The following GALNTL6 variants were observed in gnomAD, a reference collection of about 807,000 sequenced individuals.
GALNTL6 encodes the protein polypeptide N-acetylgalactosaminyltransferase-like 6.
In GALNTL6, 46 loss-of-function variants were observed where a neutral mutation model predicts 73.7. That is an observed-to-expected ratio of 0.62 (90% confidence interval 0.49 to 0.80). The LOEUF is 0.80. Ranked by LOEUF, GALNTL6 falls within the 30% of genes least tolerant of loss-of-function variation. The probability of loss-of-function intolerance (pLI) is 0.00; values close to 1 mark genes in which losing one functional copy is unlikely to be tolerated. For synonymous variants in GALNTL6, 259 were observed against 263.7 expected, an observed-to-expected ratio of 0.98 and a Z score of 0.17; for missense variants, 604 against 755.0, an observed-to-expected ratio of 0.80 and a Z score of 2.34.
chr4:172,245,269 C>T (rs1288607226), intron 3 of GALNTL6, among the ~76,000 whole-genome samples: 1 of 152,076 alleles, frequency 6.6e-6, no homozygotes, highest in Non-Finnish European at 1.5e-5. Flanking sequence ...AACTCTAATA[C>T]CTACCGTACC....
chr4:172,809,337 A>G lies in GALNTL6; in HGVS notation c.554-24A>G, dbSNP rs72998183. The G allele has an allele frequency of 3.3e-4, 536 of 1,602,102 alleles. 2 individuals are homozygous for G. The African/African-American group carries it at 6.5e-3, about 19-fold the overall frequency. On this transcript the variant is annotated intron_variant, in intron 5 of 12. Transcript: ENST00000506823. The surrounding 1 kb of genome is among the most constrained non-coding windows in gnomAD (Gnocchi z 4.4). The stretch of plus-strand genomic sequence containing the variant: ...GCAACTAATGTTTTGCGTTTTTTCT[A>G]TGCATTCTCTACTTCCTACCTAGAA...
At chr4:172,020,665 T>C (rs1741370447) in intron 2 of GALNTL6, among the ~76,000 whole-genome samples, 1 of 151,686 alleles carries the variant, frequency 6.6e-6, no homozygotes, top group Non-Finnish European at 1.5e-5. Flanking sequence ...AAAGCCATAA[T>C]AAGAAGCCTC....
At chr4:172,699,669 T>A (rs1367161462) in intron 5 of GALNTL6, among the ~76,000 whole-genome samples, 1 of 152,178 alleles carries the variant, frequency 6.6e-6, no homozygotes, top group East Asian at 1.9e-4. Flanking sequence ...CCAGATACTA[T>A]AATCATGAGA....
intron 2 of GALNTL6, among the ~76,000 whole-genome samples, chr4:171,920,255 G>A (rs567048158): frequency 1.3e-5 from 2 of 152,118 alleles, no homozygotes; most frequent in South Asian, 4.1e-4. Context: ...GGGAGGGATA[G>A]CATTAGGAGA....
chr4:171,849,766 G>A lies in GALNTL6; in HGVS notation c.138+35048G>A, dbSNP rs931223091. Among the ~76,000 whole-genome samples the A allele has an allele frequency of 6.6e-5, 10 of 152,284 alleles. No homozygotes were observed. In the East Asian group the frequency reaches 7.7e-4, roughly 12 times the overall value. On this transcript the variant is annotated intron_variant, in intron 2 of 12. Coordinates refer to ENST00000506823, the MANE Select transcript of GALNTL6 (RefSeq NM_001034845.3). ...AAGAAGGTGGCCATGCCGCAGGCTGGGAAGCATAGCCTCTGGCAAAGACCA... is the reference window on the plus strand; with the variant it reads ...AAGAAGGTGGCCATGCCGCAGGCTGAGAAGCATAGCCTCTGGCAAAGACCA...
chr4:172,570,300 G>T (rs965681318), intron 5 of GALNTL6, among the ~76,000 whole-genome samples: 1 of 152,158 alleles, frequency 6.6e-6, no homozygotes, highest in African/African-American at 2.4e-5. Flanking sequence ...ATGGGAGAAG[G>T]CTGGTGGTTT....
At chr4:172,705,023 C>A (rs548119703) in intron 5 of GALNTL6, among the ~76,000 whole-genome samples, 1 of 151,864 alleles carries the variant, frequency 6.6e-6, no homozygotes, top group South Asian at 2.1e-4. Context: ...TTTGTGGTTT[C>A]AATTTATATA....
chr4:172,576,492 G>A (rs1736960518), intron 5 of GALNTL6, among the ~76,000 whole-genome samples: 1 of 152,188 alleles, frequency 6.6e-6, no homozygotes, highest in South Asian at 2.1e-4. Flanking sequence ...GAATAGTACA[G>A]TGGAAAGAAC....
At chr4:172,522,054 A>G (rs1734791403) in intron 5 of GALNTL6, among the ~76,000 whole-genome samples, 1 of 152,202 alleles carries the variant, frequency 6.6e-6, no homozygotes, top group South Asian at 2.1e-4. Flanking sequence ...TTATATAAGC[A>G]GTTGGACTCA....
chr4:172,301,249 A>G (rs1177543274), intron 3 of GALNTL6, among the ~76,000 whole-genome samples: 2 of 151,952 alleles, frequency 1.3e-5, no homozygotes, highest in Non-Finnish European at 2.9e-5. Flanking sequence ...TGCATTGGTT[A>G]TTCTAGTTAG....
chr4:172,113,490 A>T (rs866387013), intron 2 of GALNTL6, among the ~76,000 whole-genome samples: 11 of 152,074 alleles, frequency 7.2e-5, no homozygotes, highest in Admixed American at 5.9e-4. Flanking sequence ...TACAATGACT[A>T]TATAAAATGT....
intron 2 of GALNTL6, among the ~76,000 whole-genome samples, chr4:172,075,989 T>C (rs1731691162): frequency 6.6e-6 from 1 of 152,264 alleles, no homozygotes; most frequent in Admixed American, 6.5e-5. Flanking sequence ...TCATTTAGTT[T>C]GGCTTAATTA....
intron 2 of GALNTL6, among the ~76,000 whole-genome samples, chr4:171,907,757 A>G (rs1317123659): frequency 6.6e-6 from 1 of 151,314 alleles, no homozygotes; most frequent in Non-Finnish European, 1.5e-5. Context: ...CTACAAGGCT[A>G]CAGTAACCAA....
At chr4:172,631,565 A>G (rs1739398108) in intron 5 of GALNTL6, among the ~76,000 whole-genome samples, 1 of 152,290 alleles carries the variant, frequency 6.6e-6, no homozygotes, top group South Asian at 2.1e-4. Flanking sequence ...TCTTCACTCG[A>G]TCTCATAGTT....
At chr4:172,384,632 T>C (rs551874685) in intron 5 of GALNTL6, among the ~76,000 whole-genome samples, 1 of 152,250 alleles carries the variant, frequency 6.6e-6, no homozygotes, top group Admixed American at 6.5e-5. Flanking sequence ...TCTTTCTCAT[T>C]GCTTTGTGTT....
At chr4:172,341,604 G>T (rs1741569590) in intron 4 of GALNTL6, among the ~76,000 whole-genome samples, 1 of 152,136 alleles carries the variant, frequency 6.6e-6, no homozygotes, top group African/African-American at 2.4e-5. Flanking sequence ...ATGGGGGTGG[G>T]TCTTTCTTGT....
intron 5 of GALNTL6, among the ~76,000 whole-genome samples, chr4:172,700,730 G>T (rs1021948243): frequency 3.9e-5 from 6 of 152,086 alleles, no homozygotes; most frequent in Non-Finnish European, 7.4e-5. Flanking sequence ...ATGGTCAATC[G>T]CTCACCCCTG....
chr4:172,518,541 T>C (rs1461683852), intron 5 of GALNTL6, among the ~76,000 whole-genome samples: 2 of 152,086 alleles, frequency 1.3e-5, no homozygotes, highest in South Asian at 2.1e-4. Flanking sequence ...GTATAAAACA[T>C]TCTCTTATTT....
At chr4:172,888,438 T>C (rs112060779) in intron 8 of GALNTL6, among the ~76,000 whole-genome samples, 1 of 152,326 alleles carries the variant, frequency 6.6e-6, no homozygotes, top group African/African-American at 2.4e-5. Context: ...ATTTATTGAA[T>C]AGGAAGTCCT....
Sources: gnomAD v4.1 joint callset for allele counts (sites outside exome capture counted in the v4.1 genomes callset) on GRCh38, gnomAD v4.1.1 for gene constraint, Gnocchi (gnomAD v3.1) non-coding constraint, MANE v1.5 for transcripts, NCBI Gene and HGNC (gene_info 2026-07-23, HGNC 2026-07-21) for gene names.